The following CHL1 variants were observed in gnomAD, a reference collection of about 807,000 sequenced individuals.
The protein encoded by CHL1 is neural cell adhesion molecule L1-like protein.
In CHL1, 96 loss-of-function variants were observed where a neutral mutation model predicts 141.9. The ratio of observed to expected loss-of-function variants is 0.68; its 90% confidence interval spans 0.57 to 0.80. CHL1 has a LOEUF of 0.80. Ranked by LOEUF, CHL1 falls within the 30% of genes least tolerant of loss-of-function variation. CHL1 has a pLI of 0.00. For missense variants in CHL1, 1,820 were observed against 1,457.2 expected, an observed-to-expected ratio of 1.25 and a Z score of -4.05; for synonymous variants, 613 against 502.2, an observed-to-expected ratio of 1.22 and a Z score of -2.95.
chr3:333,318 A>G (rs1701611924), intron 5 of CHL1, among the ~76,000 whole-genome samples: 1 of 151,856 alleles, frequency 6.6e-6, no homozygotes, highest in African/African-American at 2.4e-5. Context: ...GCTTCCTACA[A>G]TCTTTAATCG....
chr3:331,283 G>C (rs1701421032), intron 5 of CHL1, among the ~76,000 whole-genome samples: 1 of 152,084 alleles, frequency 6.6e-6, no homozygotes, highest in Non-Finnish European at 1.5e-5. Context: ...GGAGTGCAGT[G>C]GTGCAGTCAT....
intron 10 of CHL1, among the ~76,000 whole-genome samples, chr3:353,341 A>T (rs2125220069): frequency 6.6e-6 from 1 of 152,298 alleles, no homozygotes; most frequent in South Asian, 2.1e-4. Context: ...TATTGGTTGT[A>T]TTAAAATAAC....
chr3:369,305 G>C (rs1705320019), intron 15 of CHL1, among the ~76,000 whole-genome samples: 1 of 151,706 alleles, frequency 6.6e-6, no homozygotes, highest in Non-Finnish European at 1.5e-5. Flanking sequence ...TCCTTGAAGA[G>C]GTCCTTTGCA....
chr3:242,691 C>CAG (rs1321487729), intron 1 of CHL1, among the ~76,000 whole-genome samples: 78 of 96,258 alleles, frequency 8.1e-4, no homozygotes, highest in East Asian at 6.1e-3. Context: ...AACACACACA[C>CAG]ACACACAGAG....
intron 2 of CHL1, among the ~76,000 whole-genome samples, chr3:297,938 A>G (rs1285430600): frequency 6.6e-6 from 1 of 152,208 alleles, no homozygotes; most frequent in Non-Finnish European, 1.5e-5. Context: ...TCAAAATACA[A>G]ATGAACTCCA....
intron 2 of CHL1, among the ~76,000 whole-genome samples, chr3:303,052 A>AGCTGC (rs1342977251): frequency 6.6e-6 from 1 of 152,122 alleles, no homozygotes; most frequent in African/African-American, 2.4e-5. Context: ...AGTTGGTTGT[A>AGCTGC]GCTGCGTGGT....
At chr3:279,577 C>T (rs1039833937) in intron 2 of CHL1, among the ~76,000 whole-genome samples, 1 of 152,188 alleles carries the variant, frequency 6.6e-6, no homozygotes, top group African/African-American at 2.4e-5. Context: ...TTTTTCCTGG[C>T]ATTTCTTAAA....
chr3:374,320 A>G (rs980270463), intron 15 of CHL1, among the ~76,000 whole-genome samples: 2 of 152,140 alleles, frequency 1.3e-5, no homozygotes, highest in African/African-American at 2.4e-5. Flanking sequence ...ACGCTTTGCA[A>G]TACAGATCTC....
At position 341,138 on chromosome 3, in the gene CHL1, T is replaced by C. The variant is rs146089854; in HGVS notation, c.508+222T>C. On this transcript the variant is annotated intron_variant, in intron 6 of 27. Coordinates refer to ENST00000256509, the MANE Select transcript of CHL1 (RefSeq NM_006614.4). ...TTTGGAATATAGATCATGTGAAAGC[T>C]GAGGATGGCATGGGTTTGTGTTGCT... Among the ~76,000 whole-genome samples, 942 of 152,288 alleles carry C rather than the reference T, an allele frequency of 6.2e-3. 5 individuals carry two copies. The highest frequency in any genetic ancestry group is 7.9e-3 in the Non-Finnish European group (535 of 67,996).
intron 1 of CHL1, among the ~76,000 whole-genome samples, chr3:211,009 G>T (rs1197623076): frequency 1.3e-5 from 2 of 152,192 alleles, no homozygotes; most frequent in Admixed American, 6.5e-5. Flanking sequence ...TTTCTCCTCT[G>T]ATCTATTTAG....
chr3:398,746 G>A (rs893509381), intron 25 of CHL1, among the ~76,000 whole-genome samples: 3 of 152,148 alleles, frequency 2.0e-5, no homozygotes, highest in African/African-American at 7.2e-5. Context: ...TGCTGCTTCT[G>A]AGTTTAACTT....
chr3:333,793 T>C (rs1701649686), intron 5 of CHL1, among the ~76,000 whole-genome samples: 3 of 152,222 alleles, frequency 2.0e-5, no homozygotes, highest in African/African-American at 7.2e-5. Context: ...ATTATCCAAC[T>C]ATCAGTAAGG....
intron 1 of CHL1, among the ~76,000 whole-genome samples, chr3:243,420 C>G (rs1444904771): frequency 6.6e-6 from 1 of 152,130 alleles, no homozygotes; most frequent in Non-Finnish European, 1.5e-5. Context: ...GTTAGTCATC[C>G]ATAAACATTT....
chr3:255,769 C>G (rs965055889), intron 2 of CHL1, among the ~76,000 whole-genome samples: 12 of 152,282 alleles, frequency 7.9e-5, no homozygotes, highest in Non-Finnish European at 1.6e-4. Context: ...TTGCCCGTAG[C>G]ATATTTTAGA....
At position 344,651 on chromosome 3, in the gene CHL1, T is replaced by A. The variant is rs1702610354; in HGVS notation, c.790T>A (p.Ser264Thr). The change falls in exon 9 of 28, where the codon TCT (serine) becomes ACT (threonine). Residue 264 changes from serine (S) to threonine (T), a missense_variant. Physicochemically the swap from Ser to Thr is moderately conservative, Grantham distance 58. Transcript: ENST00000256509. ...LLPPTESGSE[S>T]SITILKGEIL... ...GCCTCCCACTGAGAGTGGCAGTGAG[T>A]CTTCAATTACCATCCTCAAAGGGGA... The A allele has an allele frequency of 6.2e-7, 1 of 1,613,090 alleles. No homozygotes were observed. The highest frequency in any genetic ancestry group is 1.1e-5 in the South Asian group (1 of 90,980).
intron 1 of CHL1, among the ~76,000 whole-genome samples, chr3:233,164 A>G: frequency 6.6e-6 from 1 of 152,160 alleles, no homozygotes; most frequent in East Asian, 1.9e-4. Context: ...GGTCTTTTAC[A>G]AGATAAAGTT....
chr3:245,765 T>TTCC (rs1197712619), intron 2 of CHL1, among the ~76,000 whole-genome samples: 1 of 152,090 alleles, frequency 6.6e-6, no homozygotes, highest in Admixed American at 6.6e-5. Context: ...GCATACCTGG[T>TTCC]TCCTGGTAAC....
At chr3:210,871 A>T (rs947554532) in intron 1 of CHL1, among the ~76,000 whole-genome samples, 2 of 152,188 alleles carry the variant, frequency 1.3e-5, no homozygotes, top group African/African-American at 4.8e-5. Flanking sequence ...TGTGAGAGTG[A>T]ACTTTGGCAA....
intron 11 of CHL1, among the ~76,000 whole-genome samples, chr3:356,887 A>G (rs9848645): frequency 0.032 from 4,919 of 152,274 alleles, 278 homozygotes; most frequent in African/African-American, 0.11. Context: ...CTCTTGGAGA[A>G]TTTTAAGCAG....
Sources: gnomAD v4.1 joint callset for allele counts (sites outside exome capture counted in the v4.1 genomes callset) on GRCh38, gnomAD v4.1.1 for gene constraint, MANE v1.5 for transcripts, NCBI Gene and HGNC (gene_info 2026-07-23, HGNC 2026-07-21) for gene names.